Variants in MAEA observed in about 807,000 individuals in gnomAD.
MAEA encodes macrophage erythroblast attacher, E3 ubiquitin ligase, also known as E3 ubiquitin-protein transferase MAEA.
Under a neutral mutation model 46.2 loss-of-function variants are expected in MAEA, and 22 were observed. That is an observed-to-expected ratio of 0.48 (90% confidence interval 0.34 to 0.68). The LOEUF is 0.68. MAEA is among the 30% of genes least tolerant of loss of function. The pLI, the probability that MAEA is intolerant of heterozygous loss-of-function variation, is 0.01. For synonymous variants in MAEA, 246 were observed against 222.6 expected, an observed-to-expected ratio of 1.11 and a Z score of -0.94; for missense variants, 393 against 558.1, an observed-to-expected ratio of 0.70 and a Z score of 2.98.
intron 1 of MAEA, among the ~76,000 whole-genome samples, chr4:1,308,907 C>T (rs1272318433): frequency 1.3e-5 from 2 of 152,134 alleles, no homozygotes; most frequent in Non-Finnish European, 2.9e-5. Flanking sequence ...GATGTAGTCC[C>T]ATTTGTCTCT....
At chr4:1,307,704 T>TG (rs1339100923) in intron 1 of MAEA, among the ~76,000 whole-genome samples, 1 of 152,094 alleles carries the variant, frequency 6.6e-6, no homozygotes, top group East Asian at 1.9e-4. Context: ...CTGAGAACCC[T>TG]GGGGGGATGC....
rs999321144 is a variant in MAEA at position 1,318,576 on chromosome 4, G to C, written c.456+2976G>C. ...GTGGAGCCCATGAGGACTGGGTTGC[G>C]GGGGAGGGGTTCTTTCTGCTGAGAT... is the stretch of plus-strand genomic sequence containing the variant. On this transcript the variant is annotated intron_variant, in intron 3 of 8. Transcript: ENST00000303400. Among the ~76,000 whole-genome samples, 6 of 152,280 alleles carry C rather than the reference G, an allele frequency of 3.9e-5. No individual in the cohort carries two copies. In the East Asian group the frequency reaches 1.2e-3, roughly 29 times the overall value.
At chr4:1,290,078 GGGC>G (rs1279128584) in intron 1 of MAEA, 96 bp downstream of exon 1, 1 of 911,774 alleles carries the variant, frequency 1.1e-6, no homozygotes, top group Non-Finnish European at 1.5e-6. Flanking sequence ...CCAGCGGCGA[GGGC>G]GGCGGGAGCT....
chr4:1,290,200 C>T (rs1414099638), intron 1 of MAEA, among the ~76,000 whole-genome samples: 2 of 151,914 alleles, frequency 1.3e-5, no homozygotes, highest in African/African-American at 4.8e-5. Flanking sequence ...GACTGTGGCC[C>T]CTCTGCTTGA....
chr4:1,292,130 T>G (rs1734161192), intron 1 of MAEA, among the ~76,000 whole-genome samples: 1 of 152,122 alleles, frequency 6.6e-6, no homozygotes, highest in African/African-American at 2.4e-5. Flanking sequence ...ACCGGGGTTG[T>G]GGAAGGTGGG....
chr4:1,295,568 A>G (rs865834704), intron 1 of MAEA, among the ~76,000 whole-genome samples: 9 of 151,212 alleles, frequency 6.0e-5, no homozygotes, highest in Admixed American at 2.0e-4. Flanking sequence ...ATGCTCGCCC[A>G]TGCCTGTCAC....
At chr4:1,328,031 A>G (rs946330065) in intron 5 of MAEA, among the ~76,000 whole-genome samples, 2 of 152,106 alleles carry the variant, frequency 1.3e-5, no homozygotes, top group African/African-American at 4.8e-5. Context: ...CCCCCTTTCC[A>G]CATTGGAAAG....
chr4:1,295,472 A>G (rs547967832), intron 1 of MAEA, among the ~76,000 whole-genome samples: 149 of 151,990 alleles, frequency 9.8e-4, no homozygotes, highest in African/African-American at 3.5e-3. Context: ...GCCCCACTCG[A>G]GGGAGGGGCC....
At position 1,312,423 on chromosome 4, in the gene MAEA, ATTTTT is replaced by A. The variant is rs34329974; in HGVS notation, c.252+282_252+286del. On this transcript the variant is annotated intron_variant, in intron 2 of 8. Transcript: ENST00000303400. ...ACCAGGATGTATAGCAGGTTGATTGATTTTTTTTTTTTTTTTTTTTTTTTGAGACA... is the reference window on the plus strand; with the variant it reads ...ACCAGGATGTATAGCAGGTTGATTGATTTTTTTTTTTTTTTTTTTGAGACA... 336 of 171,698 alleles carry A rather than the reference ATTTTT, an allele frequency of 2.0e-3. 1 individual carries two copies. The highest frequency in any genetic ancestry group is 4.2e-3 in the African/African-American group (86 of 20,386). 10.6% of individuals were successfully genotyped at this position (171,698 alleles called of 1,614,324 possible).
At chr4:1,323,295 A>T (rs904775740) in intron 4 of MAEA, among the ~76,000 whole-genome samples, 1 of 152,142 alleles carries the variant, frequency 6.6e-6, no homozygotes, top group Non-Finnish European at 1.5e-5. Flanking sequence ...TGGACTCCTA[A>T]AGGACAAAAT....
intron 1 of MAEA, among the ~76,000 whole-genome samples, chr4:1,308,445 G>T (rs1736042859): frequency 6.6e-6 from 1 of 152,234 alleles, no homozygotes. Context: ...CCTGCCTTCA[G>T]TTCTCGTGGC....
chr4:1,333,450 C>A (rs552588678), intron 6 of MAEA, among the ~76,000 whole-genome samples: 1 of 152,160 alleles, frequency 6.6e-6, no homozygotes, highest in South Asian at 2.1e-4. Flanking sequence ...TCTCTACAGC[C>A]CCTGAGTCAG....
intron 6 of MAEA, among the ~76,000 whole-genome samples, chr4:1,336,286 C>T (rs1292213316): frequency 6.6e-6 from 1 of 151,780 alleles, no homozygotes; most frequent in Non-Finnish European, 1.5e-5. Flanking sequence ...ACTGGCCTCA[C>T]AGCGTGTTGA....
intron 1 of MAEA, among the ~76,000 whole-genome samples, chr4:1,290,299 G>T (rs1371837840): frequency 6.6e-6 from 1 of 152,014 alleles, no homozygotes; most frequent in East Asian, 1.9e-4. Context: ...TTTGCGGGGC[G>T]TGGGGTCTCT....
intron 6 of MAEA, among the ~76,000 whole-genome samples, chr4:1,333,369 T>A (rs1577235184): frequency 6.7e-6 from 1 of 149,918 alleles, no homozygotes; most frequent in Admixed American, 6.6e-5. Flanking sequence ...TTGAGAAAGG[T>A]TCAGGAAGCC....
chr4:1,318,662 A>G (rs766589715), intron 3 of MAEA, among the ~76,000 whole-genome samples: 8 of 152,114 alleles, frequency 5.3e-5, no homozygotes, highest in Non-Finnish European at 1.0e-4. Context: ...GGCACTAGGA[A>G]GCCCTGGGGA....
chr4:1,302,641 G>A lies in MAEA; in HGVS notation c.70-9338G>A, dbSNP rs549217069. 1.5e-4 allele frequency among the ~76,000 whole-genome samples: 23 copies of A among 152,192 alleles called. No homozygotes were observed. The South Asian group carries it at 2.5e-3, about 16-fold the overall frequency. On this transcript the variant is annotated intron_variant, in intron 1 of 8. Transcript: ENST00000303400. ...ACTACAGGCACCTGCCACCATGCCC[G>A]GCTAATTTTTTTGTATTTTTAGTAG... is the stretch of plus-strand genomic sequence containing the variant.
rs748590736 is a variant in MAEA at position 1,322,942 on chromosome 4, A to AC, written c.579+440dup. The stretch of plus-strand genomic sequence containing the variant: ...GCTGTGATATTGTTAATGAATACCC[A>AC]CTTTTTTTTTTTTTTTTTTTTTTTT... On this transcript the variant is annotated intron_variant, in intron 4 of 8. Coordinates refer to ENST00000303400, the MANE Select transcript of MAEA (RefSeq NM_001017405.3). Among the ~76,000 whole-genome samples the AC allele has an allele frequency of 3.3e-3, 142 of 43,362 alleles. 9 individuals are homozygous for AC. The highest frequency in any genetic ancestry group is 0.014 in the Middle Eastern group (1 of 74). The allele number at this position is 43,362 out of a possible 152,430, so 28.4% of individuals were successfully genotyped here.
chr4:1,322,128 C>T (rs1738205425), intron 3 of MAEA, among the ~76,000 whole-genome samples: 1 of 152,146 alleles, frequency 6.6e-6, no homozygotes, highest in South Asian at 2.1e-4. Flanking sequence ...GTGGGGCCAG[C>T]CTGGCTCCCT....
Sources: allele counts gnomAD v4.1 joint callset (sites outside exome capture counted in the v4.1 genomes callset), GRCh38; gene constraint gnomAD v4.1.1; transcripts MANE v1.5; gene names NCBI Gene and HGNC (gene_info 2026-07-23, HGNC 2026-07-21).